The following GPHN variants were observed in gnomAD, a reference collection of about 807,000 sequenced individuals.
GPHN encodes the protein gephyrin.
Under a neutral mutation model 95.5 loss-of-function variants are expected in GPHN, and 17 were observed. The ratio of observed to expected loss-of-function variants is 0.18; its 90% confidence interval spans 0.12 to 0.27. The LOEUF (loss-of-function observed/expected upper bound fraction) is 0.27, where lower values mean the gene tolerates loss of function less well. Among genes scored for constraint, GPHN ranks in the 10% least tolerant of loss-of-function variants. The pLI, the probability that GPHN is intolerant of heterozygous loss-of-function variation, is 1.00. For missense variants in GPHN, 660 were observed against 978.1 expected, an observed-to-expected ratio of 0.67 and a Z score of 4.34; for synonymous variants, 320 against 322.5, an observed-to-expected ratio of 0.99 and a Z score of 0.08.
chr14:67,661,278 C>CAAAA, the GPHN span, among the ~76,000 whole-genome samples: 40 of 56,304 alleles, frequency 7.1e-4, no homozygotes, highest in Non-Finnish European at 7.7e-4. Context: ...AGGGCTAGAG[C>CAAAA]AAAAAAAAAA....
intron 9 of GPHN, among the ~76,000 whole-genome samples, chr14:67,015,800 G>A (rs1430171528): frequency 6.6e-6 from 1 of 152,124 alleles, no homozygotes; most frequent in Non-Finnish European, 1.5e-5. Flanking sequence ...ATACACACGT[G>A]TGTCTGTTTT....
chr14:66,746,798 A>G (rs1162152698), intron 2 of GPHN, among the ~76,000 whole-genome samples: 4 of 152,172 alleles, frequency 2.6e-5, no homozygotes, highest in African/African-American at 9.7e-5. Context: ...ACATAGGGAA[A>G]AAATTCTACA....
the GPHN span, chr14:67,692,341 C>T: frequency 7.5e-7 from 1 of 1,325,806 alleles, no homozygotes; most frequent in Non-Finnish European, 1.1e-6. Flanking sequence ...ATATTTTATC[C>T]ACCACTTCTA....
Position 66,508,399 on chromosome 14 carries a change from C to G in GPHN, c.-129C>G, listed in dbSNP as rs1255717203. On this transcript the variant is annotated 5_prime_UTR_variant, in exon 1 of 23. Transcript: ENST00000478722. ...TGCACTCTGTGGCCTCCCCCTCCTT[C>G]CCCGCTCTCCTCGCGCTTCTCTGGC... 15 of 854,762 alleles carry G rather than the reference C, an allele frequency of 1.8e-5. No homozygotes were observed. Among genetic ancestry groups the G allele is most frequent in the Non-Finnish European group, 3.0e-5 (15 of 495,684 alleles). The allele number at this position is 854,762 out of a possible 1,614,324, so 52.9% of individuals were successfully genotyped here.
chr14:67,570,136 G>C, the GPHN span: 212,004 of 752,040 alleles, frequency 0.28, 30,743 homozygotes, highest in South Asian at 0.36. Flanking sequence ...CCAGGGAGCT[G>C]AGCCCAGCAC....
chr14:67,731,835 T>C, the GPHN span, among the ~76,000 whole-genome samples: 1 of 151,876 alleles, frequency 6.6e-6, no homozygotes, highest in Non-Finnish European at 1.5e-5. Context: ...TTTTTATTAT[T>C]TAAAAATTTT....
intron 4 of GPHN, among the ~76,000 whole-genome samples, chr14:66,879,177 G>A (rs942576518): frequency 5.9e-5 from 9 of 151,952 alleles, no homozygotes; most frequent in Admixed American, 5.9e-4. Flanking sequence ...TGGACACACA[G>A]AGGGAAACAT....
chr14:66,996,523 T>G (rs1256519040), intron 9 of GPHN, among the ~76,000 whole-genome samples: 1 of 152,138 alleles, frequency 6.6e-6, no homozygotes, highest in Non-Finnish European at 1.5e-5. Context: ...CTCTTTTGAA[T>G]TAGGTAATTT....
At chr14:66,992,956 A>C (rs1477259642) in intron 9 of GPHN, among the ~76,000 whole-genome samples, 1 of 152,218 alleles carries the variant, frequency 6.6e-6, no homozygotes, top group Non-Finnish European at 1.5e-5. Flanking sequence ...TGTCTCATAC[A>C]GTCTAAAATA....
intron 3 of GPHN, among the ~76,000 whole-genome samples, chr14:66,800,251 C>G (rs928533332): frequency 6.6e-6 from 1 of 152,052 alleles, no homozygotes; most frequent in Admixed American, 6.6e-5. Flanking sequence ...ACCCCAGTTA[C>G]AGTGTTGTAA....
intron 3 of GPHN, among the ~76,000 whole-genome samples, chr14:66,780,579 C>T (rs1228359382): frequency 6.7e-6 from 1 of 150,328 alleles, no homozygotes; most frequent in Non-Finnish European, 1.5e-5. Flanking sequence ...AGTTATCCCT[C>T]AGGAGATTCC....
the GPHN span, chr14:67,199,543 C>CA: frequency 6.2e-7 from 1 of 1,607,016 alleles, no homozygotes; most frequent in Non-Finnish European, 8.5e-7. Context: ...CAATTGAAGC[C>CA]ATGAATGGGC....
At chr14:66,754,507 C>T (rs2058490958) in intron 2 of GPHN, among the ~76,000 whole-genome samples, 1 of 151,878 alleles carries the variant, frequency 6.6e-6, no homozygotes, top group Non-Finnish European at 1.5e-5. Context: ...GTAAGTTATG[C>T]AGCAGGTGAA....
At chr14:67,537,384 ACT>A in the GPHN span, among the ~76,000 whole-genome samples, 4 of 139,484 alleles carry the variant, frequency 2.9e-5, no homozygotes, top group Non-Finnish European at 6.1e-5. Flanking sequence ...AATAATAAAA[ACT>A]TAATCTTAGG....
At chr14:67,157,874 G>A (rs562616386) in intron 18 of GPHN, among the ~76,000 whole-genome samples, 114 of 151,606 alleles carry the variant, frequency 7.5e-4, no homozygotes, top group Non-Finnish European at 1.4e-3. Flanking sequence ...GGCGGCGGGG[G>A]TGGGGCAGGG....
intron 8 of GPHN, among the ~76,000 whole-genome samples, chr14:66,929,240 G>A (rs1773107511): frequency 6.6e-6 from 1 of 151,860 alleles, no homozygotes; most frequent in South Asian, 2.1e-4. Flanking sequence ...GTTTAGTAGA[G>A]AGGGGGTTTC....
rs2078752370 is a variant in GPHN, at chr14:67,117,381, A to C, written c.1626+4210A>C. ...TGTCCTTGATGAAATTATGCTTTTT[A>C]GAAAGATAAATGTGTGAAAGAGAAA... On this transcript the variant is annotated intron_variant, in intron 16 of 22. Coordinates refer to ENST00000478722, the MANE Select transcript of GPHN (RefSeq NM_020806.5). 2.0e-5 allele frequency among the ~76,000 whole-genome samples: 3 copies of C among 152,350 alleles called. No homozygotes were observed. The South Asian group carries it at 6.2e-4, about 32-fold the overall frequency.
At chr14:67,562,290 C>G in the GPHN span, 4 of 1,613,726 alleles carry the variant, frequency 2.5e-6, no homozygotes, top group African/African-American at 1.3e-5. Flanking sequence ...GCACCTTCCC[C>G]AGGTGCCCTG....
At chr14:66,583,190 G>A (rs2061269564) in intron 1 of GPHN, among the ~76,000 whole-genome samples, 1 of 152,106 alleles carries the variant, frequency 6.6e-6, no homozygotes, top group Non-Finnish European at 1.5e-5. Context: ...CTTCTTTTGA[G>A]AAGTGTCTGT....
Sources: gnomAD v4.1 joint callset for allele counts (sites outside exome capture counted in the v4.1 genomes callset) on GRCh38, gnomAD v4.1.1 for gene constraint, MANE v1.5 for transcripts, NCBI Gene and HGNC (gene_info 2026-07-23, HGNC 2026-07-21) for gene names.